Variants in ASB11 observed in about 807,000 individuals in gnomAD.
The protein encoded by ASB11 is ankyrin repeat and SOCS box protein 11.
Under a neutral mutation model 20.1 loss-of-function variants are expected in ASB11, and 17 were observed. The ratio of observed to expected loss-of-function variants is 0.85; its 90% CI spans 0.58 to 1.27. The LOEUF is 1.27. Ranked by LOEUF, ASB11 falls within the 50% of genes most tolerant of loss-of-function variation. ASB11 has a pLI of 0.00. For synonymous variants in ASB11, 107 were observed against 105.6 expected, an observed-to-expected ratio of 1.01 and a Z score of -0.08; for missense variants, 259 against 256.9, an observed-to-expected ratio of 1.01 and a Z score of -0.06.
intron 1 of ASB11, among the ~76,000 whole-genome samples, chrX:15,312,417 C>CAAAAAA (rs1231680554): frequency 0.042 from 995 of 23,473 alleles, 45 homozygotes; most frequent in South Asian, 0.091. Context: ...GCCCACTGCA[C>CAAAAAA]AAAAAAAAAA....
chrX:15,300,488 T>C (rs907121577), intron 2 of ASB11, among the ~76,000 whole-genome samples: 4 of 112,358 alleles, frequency 3.6e-5, no homozygotes, highest in Non-Finnish European at 7.5e-5. Flanking sequence ...TTTTTAACAG[T>C]GTATAAGAGT....
At chrX:15,301,024 C>T (rs780976350) in intron 2 of ASB11, among the ~76,000 whole-genome samples, 25 of 111,280 alleles carry the variant, frequency 2.2e-4, no homozygotes, top group Non-Finnish European at 4.5e-4. Flanking sequence ...TGAAGTGACG[C>T]GATCTCGGTT....
chrX:15,299,358 G>A (rs2147695938), intron 2 of ASB11, among the ~76,000 whole-genome samples: 1 of 111,636 alleles, frequency 9.0e-6, no homozygotes. Flanking sequence ...ACAACTCAAA[G>A]TGGGGGCCTG....
In ASB11 at chrX:15,285,428, C is replaced by T. The variant is rs186523095; in HGVS notation, c.848-1799G>A. ...TGCTGGGATTACAGGTGTGAGCCAC[C>T]GCGCCCAGCCAGTATTAATCTTTCT... On this transcript the variant is annotated intron_variant, in intron 6 of 6. Transcript: ENST00000480796. Among the ~76,000 whole-genome samples, 6 of 109,845 alleles carry T rather than the reference C, an allele frequency of 5.5e-5. No homozygotes were observed. The East Asian group carries it at 1.2e-3, about 21-fold the overall frequency.
chrX:15,295,979 C>T (rs1324028769), intron 3 of ASB11, among the ~76,000 whole-genome samples: 1 of 112,267 alleles, frequency 8.9e-6, no homozygotes, highest in Non-Finnish European at 1.9e-5. Context: ...CGGTGGCTCA[C>T]GCCTGTAATC....
intron 4 of ASB11, 42 bp downstream of exon 4, chrX:15,293,128 G>A (rs1927573294): frequency 8.4e-7 from 1 of 1,189,420 alleles, no homozygotes; most frequent in Non-Finnish European, 1.1e-6. Flanking sequence ...AGATTGGAGT[G>A]AGCCCATCAA....
chrX:15,294,579 C>T (rs1920953080), intron 3 of ASB11, among the ~76,000 whole-genome samples: 1 of 111,180 alleles, frequency 9.0e-6, no homozygotes. Context: ...CTATCTTGCC[C>T]AGGCTGGTCT....
At chrX:15,311,060 A>T (rs1041012686) in intron 1 of ASB11, among the ~76,000 whole-genome samples, 1 of 112,889 alleles carries the variant, frequency 8.9e-6, no homozygotes, top group Admixed American at 9.4e-5. Context: ...ATTCATAAGG[A>T]ATTTTAATTT....
At chrX:15,292,142 A>G (rs1458287483) in intron 4 of ASB11, 1 of 112,082 alleles carries the variant, frequency 8.9e-6, no homozygotes, top group Non-Finnish European at 1.9e-5. Flanking sequence ...AACATCAGCT[A>G]TTAATTAATA....
intron 2 of ASB11, among the ~76,000 whole-genome samples, chrX:15,301,528 C>G (rs1314207225): frequency 9.3e-6 from 1 of 108,029 alleles, no homozygotes; most frequent in Non-Finnish European, 1.9e-5. Flanking sequence ...GAGAGAGAGA[C>G]AGAGAGAGAG....
intron 1 of ASB11, among the ~76,000 whole-genome samples, chrX:15,312,417 C>CA (rs1231680554): frequency 0.044 from 1,028 of 23,597 alleles, 89 homozygotes; most frequent in African/African-American, 0.14. Context: ...GCCCACTGCA[C>CA]AAAAAAAAAA....
intron 1 of ASB11, among the ~76,000 whole-genome samples, chrX:15,304,789 C>T (rs758952078): frequency 8.9e-6 from 1 of 111,747 alleles, no homozygotes; most frequent in Admixed American, 9.5e-5. Context: ...GCAGAAGAAT[C>T]GCTTGAACCC....
chrX:15,284,208 G>C (rs5980146), intron 6 of ASB11, among the ~76,000 whole-genome samples: 1,458 of 101,928 alleles, frequency 0.014, 7 homozygotes, highest in South Asian at 0.018. Context: ...GCCGAGATCG[G>C]GCCACTGCAC....
intron 6 of ASB11, among the ~76,000 whole-genome samples, chrX:15,285,144 T>TC (rs1318319738): frequency 1.5e-4 from 15 of 102,216 alleles, no homozygotes; most frequent in African/African-American, 5.0e-4. Context: ...ATCTTTCTTT[T>TC]TTTTTTTTTT....
chrX:15,287,751 G>T, intron 6 of ASB11, 130 bp downstream of exon 6: 1 of 763,476 alleles, frequency 1.3e-6, no homozygotes. Flanking sequence ...GTGACGGCAG[G>T]GCCTATCACC....
chrX:15,287,188 C>T (rs1485701065), intron 6 of ASB11, among the ~76,000 whole-genome samples: 2 of 112,468 alleles, frequency 1.8e-5, no homozygotes, highest in Non-Finnish European at 3.8e-5. Context: ...TCCTCCCCTA[C>T]AGACTCTGAC....
At chrX:15,285,235 G>A (rs375889841) in intron 6 of ASB11, among the ~76,000 whole-genome samples, 3 of 104,674 alleles carry the variant, frequency 2.9e-5, no homozygotes, top group East Asian at 3.0e-4. Context: ...TCTGCCTCCC[G>A]GGTTTAGGCA....
At chrX:15,293,679 ATCTACTG>A (rs1569170339) in intron 3 of ASB11, among the ~76,000 whole-genome samples, 6 of 111,675 alleles carry the variant, frequency 5.4e-5, no homozygotes, top group Non-Finnish European at 3.8e-5. Flanking sequence ...TTCTCCACAG[ATCTACTG>A]TCTTTCTTGC....
intron 1 of ASB11, among the ~76,000 whole-genome samples, chrX:15,310,326 T>C (rs1021030390): frequency 8.9e-6 from 1 of 112,282 alleles, no homozygotes; most frequent in African/African-American, 3.2e-5. Flanking sequence ...GACTCAATCA[T>C]TCTCTTCTAA....
Sources: gnomAD v4.1 joint callset for allele counts (sites outside exome capture counted in the v4.1 genomes callset) on GRCh38, gnomAD v4.1.1 for gene constraint, MANE v1.5 for transcripts, NCBI Gene and HGNC (gene_info 2026-07-23, HGNC 2026-07-21) for gene names.